WDR59: variants seen among roughly 807,000 people sequenced by gnomAD.
WDR59 encodes the protein WD repeat domain 59.
In WDR59, 100 loss-of-function variants were observed where a neutral mutation model predicts 131.2. The observed-to-expected ratio is 0.76, with a 90% CI of 0.65 to 0.90. The LOEUF (loss-of-function observed/expected upper bound fraction) is 0.90, where lower values mean the gene tolerates loss of function less well. WDR59 is among the 40% of genes least tolerant of loss of function. WDR59 has a pLI of 0.00. For synonymous variants in WDR59, 601 were observed against 466.2 expected, an observed-to-expected ratio of 1.29 and a Z score of -3.72; for missense variants, 1,203 against 1,262.2, an observed-to-expected ratio of 0.95 and a Z score of 0.71.
rs1264969228 is a variant in WDR59 at position 74,906,319 on chromosome 16, A to AAAAAAAAAAAAC, written c.1713-2220_1713-2219insGTTTTTTTTTTT. ...ACAGAGCAAGACTCCGTCTCAAAAA[A>AAAAAAAAAAAAC]AAAAAAACCCACAGTGAGATACTAG... On this transcript the variant is annotated intron_variant, in intron 17 of 25. Transcript: ENST00000262144. Among the ~76,000 whole-genome samples the AAAAAAAAAAAAC allele has an allele frequency of 4.8e-5, 7 of 145,102 alleles. 1 individual carries two copies. The highest frequency in any genetic ancestry group is 1.1e-4 in the Non-Finnish European group (7 of 66,190).
rs765893056 is a variant in WDR59 at position 74,892,521 on chromosome 16, G to A, written c.2045C>T (p.Ala682Val). The part of the protein sequence containing the change: ...DIQETCQKNA[A>V]SALLVGRKDL... Reference sequence around the variant, plus strand: ...CTTTCTTCCAACGAGCAAGGCAGAGGCGGCATTCTTCTGACATGTTTCCTG... The same window carrying A: ...CTTTCTTCCAACGAGCAAGGCAGAGACGGCATTCTTCTGACATGTTTCCTG... The change falls in exon 20 of 26, where the codon GCC becomes GTC. Residue 682 changes from alanine (A) to valine (V), a missense_variant. By Grantham distance (64) the Ala-to-Val change is moderately conservative. Transcript: ENST00000262144. 1 of 1,613,904 alleles carries A rather than the reference G, an allele frequency of 6.2e-7. No homozygotes were observed. Among genetic ancestry groups the A allele is most frequent in the Non-Finnish European group, 8.5e-7 (1 of 1,179,964 alleles).
intron 7 of WDR59, among the ~76,000 whole-genome samples, chr16:74,940,878 G>A (rs890272343): frequency 2.6e-5 from 4 of 151,814 alleles, no homozygotes; most frequent in African/African-American, 7.3e-5. Context: ...GCTAAATTTT[G>A]TATTTTTAGT....
chr16:74,948,393 G>T, intron 6 of WDR59, 126 bp downstream of exon 6: 2 of 912,256 alleles, frequency 2.2e-6, no homozygotes, highest in Middle Eastern at 2.6e-4. Context: ...CAGCCACGGC[G>T]CAGCCCAGAC....
At chr16:74,905,217 A>T (rs993341231) in intron 17 of WDR59, among the ~76,000 whole-genome samples, 2 of 152,148 alleles carry the variant, frequency 1.3e-5, no homozygotes, top group East Asian at 1.9e-4. Context: ...CACTACTAAA[A>T]ATACAAAATT....
chr16:74,938,564 T>C (rs568716349), intron 7 of WDR59, among the ~76,000 whole-genome samples: 2 of 152,256 alleles, frequency 1.3e-5, no homozygotes, highest in African/African-American at 4.8e-5. Context: ...TGAGACGAAG[T>C]CTTGCTCTGT....
At chr16:74,967,113 C>T (rs2033804574) in intron 1 of WDR59, among the ~76,000 whole-genome samples, 1 of 152,192 alleles carries the variant, frequency 6.6e-6, no homozygotes, top group South Asian at 2.1e-4. Context: ...CACCTTCTTT[C>T]CCTCACCCTC....
chr16:74,949,590 T>A, intron 5 of WDR59, 128 bp downstream of exon 5: 2 of 728,756 alleles, frequency 2.7e-6, no homozygotes, highest in South Asian at 1.7e-5. Context: ...ATATTTGCGC[T>A]CAAATCTCTC....
intron 7 of WDR59, among the ~76,000 whole-genome samples, chr16:74,940,947 A>G (rs532033233): frequency 6.6e-6 from 1 of 151,326 alleles, no homozygotes; most frequent in Non-Finnish European, 1.5e-5. Flanking sequence ...CTCGTGATCC[A>G]CCCGCCTCAG....
chr16:74,885,404 C>T (rs537849978), intron 25 of WDR59, among the ~76,000 whole-genome samples: 26 of 132,598 alleles, frequency 2.0e-4, no homozygotes, highest in Middle Eastern at 4.1e-3. Context: ...GCTGAGATCA[C>T]GCCACTGCAC....
intron 2 of WDR59, among the ~76,000 whole-genome samples, chr16:74,964,479 T>A (rs1265983900): frequency 6.6e-6 from 1 of 152,068 alleles, no homozygotes; most frequent in Non-Finnish European, 1.5e-5. Flanking sequence ...TATAAATAAT[T>A]TTCTCCAGGG....
intron 1 of WDR59, among the ~76,000 whole-genome samples, chr16:74,981,965 T>C (rs2034448109): frequency 7.7e-6 from 1 of 130,120 alleles, no homozygotes; most frequent in African/African-American, 2.8e-5. Flanking sequence ...CATATATGTA[T>C]ATTTTTTAGG....
intron 8 of WDR59, among the ~76,000 whole-genome samples, chr16:74,937,569 T>A (rs1597752141): frequency 6.6e-6 from 1 of 152,148 alleles, no homozygotes; most frequent in Non-Finnish European, 1.5e-5. Context: ...TGGATCAATC[T>A]CAGCTCAATG....
chr16:74,943,202 C>T (rs2032365405), intron 6 of WDR59, among the ~76,000 whole-genome samples: 1 of 151,650 alleles, frequency 6.6e-6, no homozygotes, highest in Non-Finnish European at 1.5e-5. Context: ...CCTGCTCGCA[C>T]TCCTAATTAG....
At chr16:74,974,850 T>C (rs577126921) in intron 1 of WDR59, among the ~76,000 whole-genome samples, 4 of 152,208 alleles carry the variant, frequency 2.6e-5, no homozygotes, top group Non-Finnish European at 5.9e-5. Flanking sequence ...AAGCATATAC[T>C]GTGTGCGTCT....
At chr16:74,925,233 A>G (rs1352601755) in intron 8 of WDR59, among the ~76,000 whole-genome samples, 2 of 152,094 alleles carry the variant, frequency 1.3e-5, no homozygotes, top group African/African-American at 2.4e-5. Context: ...AAAAAAGACA[A>G]CCTTAAAAGG....
chr16:74,973,345 G>C (rs2034063023), intron 1 of WDR59, among the ~76,000 whole-genome samples: 1 of 152,180 alleles, frequency 6.6e-6, no homozygotes, highest in Non-Finnish European at 1.5e-5. Flanking sequence ...CATCACCCCA[G>C]CTGGAGCACA....
At position 74,968,607 on chromosome 16, in the gene WDR59, G is replaced by C. The variant is rs188914372; in HGVS notation, c.55-2785C>G. On this transcript the variant is annotated intron_variant, in intron 1 of 25. Coordinates refer to ENST00000262144, the MANE Select transcript of WDR59 (RefSeq NM_030581.4). ...GTGGTGGCATGCATCTGCAGTCCCAGCTGCTCAGGAGGCTGAGGTAGGAGG... is the reference window on the plus strand; with the variant it reads ...GTGGTGGCATGCATCTGCAGTCCCACCTGCTCAGGAGGCTGAGGTAGGAGG... Among the ~76,000 whole-genome samples the C allele has an allele frequency of 2.6e-5, 4 of 152,210 alleles. No individual in the cohort carries two copies. The East Asian group carries it at 5.8e-4, about 22-fold the overall frequency.
intron 1 of WDR59, among the ~76,000 whole-genome samples, chr16:74,973,001 G>T (rs371881620): frequency 6.6e-6 from 1 of 151,820 alleles, no homozygotes; most frequent in East Asian, 1.9e-4. Flanking sequence ...GGGAGGCCGA[G>T]GCGGGCAGAT....
chr16:74,960,695 C>T (rs2033520352), intron 2 of WDR59, among the ~76,000 whole-genome samples: 1 of 149,086 alleles, frequency 6.7e-6, no homozygotes, highest in Admixed American at 6.8e-5. Context: ...TTGCAGTGAG[C>T]CAAGTTTTCA....
Sources: gnomAD v4.1 joint callset for allele counts (sites outside exome capture counted in the v4.1 genomes callset) on GRCh38, gnomAD v4.1.1 for gene constraint, MANE v1.5 for transcripts, NCBI Gene and HGNC (gene_info 2026-07-23, HGNC 2026-07-21) for gene names.